UBE2G1: variants seen among roughly 807,000 people sequenced by gnomAD.
UBE2G1 encodes ubiquitin-conjugating enzyme E2 G1.
In UBE2G1, 5 loss-of-function variants were observed where a neutral mutation model predicts 22.7. The observed-to-expected ratio is 0.22, with a 90% CI of 0.12 to 0.46. The LOEUF (loss-of-function observed/expected upper bound fraction) is 0.46, where lower values mean the gene tolerates loss of function less well. Among genes scored for constraint, UBE2G1 ranks in the 20% least tolerant of loss-of-function variants. The pLI is 0.99. For missense variants in UBE2G1, 88 were observed against 203.9 expected (o/e 0.43, Z 3.46); for synonymous variants, 74 against 67.5 (o/e 1.10, Z -0.47).
chr17:4,347,586 T>C (rs903985399), intron 1 of UBE2G1, among the ~76,000 whole-genome samples: 1 of 150,116 alleles, frequency 6.7e-6, no homozygotes, highest in Non-Finnish European at 1.5e-5. Flanking sequence ...GAGATTCTCA[T>C]GCCTCAGCCT....
chr17:4,331,941 T>A (rs1213032297), intron 1 of UBE2G1: 1 of 152,098 alleles, frequency 6.6e-6, no homozygotes, highest in Non-Finnish European at 1.5e-5. Context: ...AACCAAAACA[T>A]AAACACTATA....
At chr17:4,279,949 T>C (rs1968866951) in intron 5 of UBE2G1, among the ~76,000 whole-genome samples, 1 of 151,516 alleles carries the variant, frequency 6.6e-6, no homozygotes, top group African/African-American at 2.4e-5. Context: ...AAAACCTCAA[T>C]GGTCAAACAC....
At chr17:4,336,453 T>A (rs1402081430) in intron 1 of UBE2G1, among the ~76,000 whole-genome samples, 1 of 152,190 alleles carries the variant, frequency 6.6e-6, no homozygotes, top group Non-Finnish European at 1.5e-5. Flanking sequence ...GGTCATTTTT[T>A]ATAATGATCA....
chr17:4,292,314 C>CAA (rs35054040), intron 3 of UBE2G1, among the ~76,000 whole-genome samples: 1 of 108,698 alleles, frequency 9.2e-6, no homozygotes, highest in Non-Finnish European at 1.9e-5. Flanking sequence ...GACTCTGTCT[C>CAA]AAAAAAAAAA....
rs1159828003 is a variant in UBE2G1 at position 4,301,336 on chromosome 17, C to A, written c.150-4522G>T. The A allele has an allele frequency of 8.7e-6, 4 of 457,912 alleles. No individual in the cohort carries two copies. In the Admixed American group the frequency reaches 1.3e-4, roughly 15 times the overall value. 28.4% of individuals were successfully genotyped at this position (457,912 alleles called of 1,614,324 possible). A position where few individuals can be genotyped will look rare whatever the true frequency, so the allele number is the denominator to read the frequency against. ...GTCACCCCTTTTGCCTCTCAGCCTC[C>A]CACGGGCGCAATGGAGGAGAAGGAT... On this transcript the variant is annotated intron_variant, in intron 2 of 5. Coordinates refer to ENST00000396981, the MANE Select transcript of UBE2G1 (RefSeq NM_003342.5).
intron 1 of UBE2G1, among the ~76,000 whole-genome samples, chr17:4,317,956 A>C (rs187002128): frequency 1.4e-4 from 22 of 152,348 alleles, no homozygotes; most frequent in Non-Finnish European, 2.9e-4. Flanking sequence ...ATAGAAATAA[A>C]TTTGATAAAG....
chr17:4,271,151 T>C lies in UBE2G1; in HGVS notation c.*1403A>G, dbSNP rs1230803783. The C allele has an allele frequency of 5.3e-5, 8 of 152,350 alleles. No individual in the cohort carries two copies. The highest frequency in any genetic ancestry group is 8.8e-5 in the Non-Finnish European group (6 of 68,034). The allele number at this position is 152,350 out of a possible 1,614,324, so 9.4% of individuals were successfully genotyped here. On this transcript the variant is annotated 3_prime_UTR_variant, in exon 6 of 6. Coordinates refer to ENST00000396981, the MANE Select transcript of UBE2G1 (RefSeq NM_003342.5). ...GAAGTTGTTTTAGAAAACTGTATGA[T>C]ATGAAATATATTGAAGCTCAAACAT...
intron 1 of UBE2G1, among the ~76,000 whole-genome samples, chr17:4,316,541 C>T (rs973357454): frequency 6.6e-6 from 1 of 152,186 alleles, no homozygotes; most frequent in Non-Finnish European, 1.5e-5. Flanking sequence ...TCAAGCATAG[C>T]AATCACAAAG....
intron 5 of UBE2G1, among the ~76,000 whole-genome samples, chr17:4,276,416 C>A (rs970864377): frequency 4.6e-5 from 7 of 152,104 alleles, no homozygotes; most frequent in Non-Finnish European, 8.8e-5. Flanking sequence ...ATCTTCGCCT[C>A]CCAAAGTGCT....
intron 1 of UBE2G1, among the ~76,000 whole-genome samples, chr17:4,357,770 C>G (rs1266676701): frequency 2.0e-5 from 3 of 151,900 alleles, no homozygotes; most frequent in Non-Finnish European, 4.4e-5. Flanking sequence ...TGCACTCCAG[C>G]CTGGGCAACA....
At chr17:4,324,537 C>G (rs1969478812) in intron 1 of UBE2G1, among the ~76,000 whole-genome samples, 1 of 152,074 alleles carries the variant, frequency 6.6e-6, no homozygotes, top group Admixed American at 6.5e-5. Flanking sequence ...GATAGTACTG[C>G]TACAGTTTGC....
chr17:4,355,270 T>G (rs1969893117), intron 1 of UBE2G1, among the ~76,000 whole-genome samples: 1 of 150,656 alleles, frequency 6.6e-6, no homozygotes, highest in South Asian at 2.1e-4. Context: ...CCCAAAGTTC[T>G]GGGATTACAG....
In UBE2G1 at chr17:4,271,469, A is replaced by G. The variant is rs1193465262; in HGVS notation, c.*1085T>C. The G allele has an allele frequency of 6.6e-6, 1 of 152,520 alleles. No homozygotes were observed. The highest frequency in any genetic ancestry group is 1.5e-5 in the Non-Finnish European group (1 of 68,016). The allele number at this position is 152,520 out of a possible 1,614,324, so 9.4% of individuals were successfully genotyped here. A position where few individuals can be genotyped will look rare whatever the true frequency, so the allele number is the denominator to read the frequency against. On this transcript the variant is annotated 3_prime_UTR_variant, in exon 6 of 6. Transcript: ENST00000396981. Reference sequence around the variant, plus strand: ...ATTATATTTTGGAAGAACTCACTACATAAGGTGACAGAATTCCAAAATCAA... The same window carrying G: ...ATTATATTTTGGAAGAACTCACTACGTAAGGTGACAGAATTCCAAAATCAA...
intron 1 of UBE2G1, among the ~76,000 whole-genome samples, chr17:4,330,535 C>G (rs1370940629): frequency 6.7e-6 from 1 of 149,852 alleles, no homozygotes; most frequent in Non-Finnish European, 1.5e-5. Context: ...GTCAGGAGTT[C>G]GAGGCTAACC....
chr17:4,312,556 C>T (rs912240997), intron 1 of UBE2G1, among the ~76,000 whole-genome samples: 9 of 151,212 alleles, frequency 6.0e-5, no homozygotes, highest in South Asian at 2.1e-4. Flanking sequence ...ATTAGCCGGG[C>T]GTGGTGGCGG....
chr17:4,338,623 T>A (rs1049585091), intron 1 of UBE2G1, among the ~76,000 whole-genome samples: 1 of 152,176 alleles, frequency 6.6e-6, no homozygotes, highest in Non-Finnish European at 1.5e-5. Context: ...CAGAGTATAC[T>A]CAATAAAAAT....
At chr17:4,291,590 C>T (rs1261561108) in intron 3 of UBE2G1, among the ~76,000 whole-genome samples, 1 of 152,058 alleles carries the variant, frequency 6.6e-6, no homozygotes, top group Non-Finnish European at 1.5e-5. Context: ...TATCACTAAT[C>T]CAGGATCTTT....
At chr17:4,301,207 G>A (rs1969174845) in intron 2 of UBE2G1, among the ~76,000 whole-genome samples, 1 of 152,112 alleles carries the variant, frequency 6.6e-6, no homozygotes, top group South Asian at 2.1e-4. Flanking sequence ...CATTCTATCC[G>A]CCACAGTTCA....
intron 4 of UBE2G1, 95 bp from the exon 5 acceptor site, chr17:4,283,016 A>C: frequency 9.7e-7 from 1 of 1,033,724 alleles, no homozygotes; most frequent in Non-Finnish European, 1.4e-6. Context: ...TCCCTTGGTG[A>C]TTTGTACACT....
Sources: allele counts gnomAD v4.1 joint callset (sites outside exome capture counted in the v4.1 genomes callset), GRCh38; gene constraint gnomAD v4.1.1; transcripts MANE v1.5; gene names NCBI Gene and HGNC (gene_info 2026-07-23, HGNC 2026-07-21).